The following SPTLC3 variants were observed in gnomAD, a reference collection of about 807,000 sequenced individuals.
The protein encoded by SPTLC3 is serine palmitoyltransferase 3.
SPTLC3 carries 36 observed loss-of-function variants against 59.3 expected under a neutral mutation model. The observed-to-expected ratio is 0.61, with a 90% CI of 0.47 to 0.80. The LOEUF is 0.80. Among genes scored for constraint, SPTLC3 ranks in the 30% least tolerant of loss-of-function variants. The pLI, the probability that SPTLC3 is intolerant of heterozygous loss-of-function variation, is 0.00. For missense variants in SPTLC3, 625 were observed against 685.1 expected (o/e 0.91, Z 0.98); for synonymous variants, 257 against 240.8 (o/e 1.07, Z -0.62).
intron 6 of SPTLC3, among the ~76,000 whole-genome samples, chr20:13,109,264 T>C (rs1243811892): frequency 6.6e-6 from 1 of 152,222 alleles, no homozygotes; most frequent in Non-Finnish European, 1.5e-5. Context: ...TCCTCCCTTG[T>C]TCTACATCAC....
chr20:13,117,921 A>T (rs905504611), intron 8 of SPTLC3, among the ~76,000 whole-genome samples, 196 bp downstream of exon 8: 3 of 152,182 alleles, frequency 2.0e-5, no homozygotes, highest in African/African-American at 7.2e-5. Context: ...AGTGAAGAGG[A>T]GCATGTGATG....
intron 5 of SPTLC3, among the ~76,000 whole-genome samples, chr20:13,091,672 A>G (rs1989227828): frequency 6.6e-6 from 1 of 152,148 alleles, no homozygotes; most frequent in African/African-American, 2.4e-5. Context: ...ATGCCAGCTT[A>G]GTCCAGCAAA....
chr20:13,037,720 G>A (rs1986797366), intron 1 of SPTLC3, among the ~76,000 whole-genome samples: 1 of 152,072 alleles, frequency 6.6e-6, no homozygotes, highest in Non-Finnish European at 1.5e-5. Flanking sequence ...ATTTTAGATG[G>A]GTGGATTAAT....
At chr20:13,025,831 G>A (rs1275750653) in intron 1 of SPTLC3, among the ~76,000 whole-genome samples, 1 of 151,978 alleles carries the variant, frequency 6.6e-6, no homozygotes, top group Non-Finnish European at 1.5e-5. Context: ...CATCATCCAG[G>A]TACTAAGTCA....
intron 6 of SPTLC3, among the ~76,000 whole-genome samples, chr20:13,107,547 C>T (rs1191864295): frequency 1.3e-5 from 2 of 152,002 alleles, no homozygotes; most frequent in East Asian, 3.8e-4. Flanking sequence ...GTGAAAAGAA[C>T]ACAATAGTGA....
chr20:13,126,491 T>A (rs1030013551), intron 8 of SPTLC3, 100 bp from the exon 9 acceptor site: 7 of 1,369,104 alleles, frequency 5.1e-6, no homozygotes, highest in South Asian at 3.1e-5. Flanking sequence ...TGAGATCAAA[T>A]GTCTTTTGCT....
intron 9 of SPTLC3, among the ~76,000 whole-genome samples, chr20:13,145,496 A>G (rs896789170): frequency 2.6e-5 from 4 of 152,222 alleles, no homozygotes; most frequent in Non-Finnish European, 2.9e-5. Context: ...GAAGACACAA[A>G]CAAATGGAAA....
chr20:13,053,020 C>T (rs1987562350), intron 2 of SPTLC3, among the ~76,000 whole-genome samples: 1 of 152,174 alleles, frequency 6.6e-6, no homozygotes, highest in Admixed American at 6.5e-5. Context: ...CAGCATATCT[C>T]CCAGCACAGC....
chr20:13,017,363 T>C (rs1474510389), intron 1 of SPTLC3, among the ~76,000 whole-genome samples: 1 of 152,148 alleles, frequency 6.6e-6, no homozygotes, highest in Non-Finnish European at 1.5e-5. Context: ...TGACTCTGAG[T>C]CATGTGGACT....
chr20:13,091,878 A>G (rs1009087263), intron 5 of SPTLC3, among the ~76,000 whole-genome samples: 3 of 152,196 alleles, frequency 2.0e-5, no homozygotes, highest in Admixed American at 1.3e-4. Flanking sequence ...TTTTCATTCA[A>G]TAAACCAATT....
At chr20:13,099,785 T>C (rs1989541211) in intron 6 of SPTLC3, among the ~76,000 whole-genome samples, 2 of 152,228 alleles carry the variant, frequency 1.3e-5, no homozygotes, top group Admixed American at 1.3e-4. Flanking sequence ...TATGCAGTGA[T>C]GTCTTAATCC....
chr20:13,105,716 A>G (rs997577066), intron 6 of SPTLC3, among the ~76,000 whole-genome samples: 20 of 152,186 alleles, frequency 1.3e-4, no homozygotes, highest in Non-Finnish European at 8.8e-5. Context: ...AGCCACATTT[A>G]CCATCTATCA....
At position 13,137,511 on chromosome 20, in the gene SPTLC3, T is replaced by C. The variant is rs139855146; in HGVS notation, c.1279+10794T>C. 1.5e-4 allele frequency among the ~76,000 whole-genome samples: 23 copies of C among 152,300 alleles called. 2 individuals carry two copies. The East Asian group carries it at 4.4e-3, about 29-fold the overall frequency. On this transcript the variant is annotated intron_variant, in intron 9 of 11. Transcript: ENST00000399002. ...TAATATATTTGGCTATATAGTGTTA[T>C]ATTTTATGATGATATTCCCTATTCT... is the stretch of plus-strand genomic sequence containing the variant.
intron 9 of SPTLC3, among the ~76,000 whole-genome samples, chr20:13,134,810 A>T (rs951307677): frequency 3.9e-5 from 6 of 152,212 alleles, no homozygotes; most frequent in Non-Finnish European, 5.9e-5. Context: ...AAGAATAAGA[A>T]AAAGCCCGAA....
intron 2 of SPTLC3, among the ~76,000 whole-genome samples, chr20:13,066,243 T>C (rs913227138): frequency 3.3e-5 from 3 of 91,380 alleles, no homozygotes; most frequent in Admixed American, 1.1e-4. Flanking sequence ...TTTTTATATA[T>C]AGTATGAGAA....
intron 1 of SPTLC3, among the ~76,000 whole-genome samples, chr20:13,012,203 A>G (rs1985289381): frequency 2.0e-5 from 3 of 152,144 alleles, no homozygotes; most frequent in African/African-American, 7.2e-5. Context: ...TCTTCTCTTA[A>G]ACGAAACCTG....
At chr20:13,083,452 T>C (rs1988909308) in intron 4 of SPTLC3, among the ~76,000 whole-genome samples, 1 of 152,202 alleles carries the variant, frequency 6.6e-6, no homozygotes, top group Non-Finnish European at 1.5e-5. Context: ...TCTTATCATA[T>C]ACTACTTTCA....
intron 4 of SPTLC3, among the ~76,000 whole-genome samples, chr20:13,075,035 A>T (rs1988591791): frequency 6.6e-6 from 1 of 152,040 alleles, no homozygotes; most frequent in Non-Finnish European, 1.5e-5. Context: ...AAACCCACTC[A>T]TCTTCAATTC....
chr20:13,054,156 G>T (rs747163806), intron 2 of SPTLC3, among the ~76,000 whole-genome samples: 1 of 152,186 alleles, frequency 6.6e-6, no homozygotes, highest in Non-Finnish European at 1.5e-5. Context: ...GTTAGAGAAA[G>T]CATTGTACAT....
Sources: allele counts gnomAD v4.1 joint callset (sites outside exome capture counted in the v4.1 genomes callset), GRCh38; gene constraint gnomAD v4.1.1; transcripts MANE v1.5; gene names NCBI Gene and HGNC (gene_info 2026-07-23, HGNC 2026-07-21).